The following ANKRD62 variants were observed in gnomAD, a reference collection of about 807,000 sequenced individuals.
ANKRD62 encodes ankyrin repeat domain 62.
A neutral mutation model predicts 98.8 loss-of-function variants in ANKRD62; 61 were observed. The ratio of observed to expected loss-of-function variants is 0.62; its 90% CI spans 0.50 to 0.76. ANKRD62 has a LOEUF of 0.76. Among genes scored for constraint, ANKRD62 ranks in the 30% least tolerant of loss-of-function variants. The pLI is 0.00. For synonymous variants in ANKRD62, 341 were observed against 367.9 expected, an observed-to-expected ratio of 0.93 and a Z score of 0.84; for missense variants, 933 against 1,082.9, an observed-to-expected ratio of 0.86 and a Z score of 1.94.
chr18:12,119,688 C>G (rs1032218304), intron 10 of ANKRD62, among the ~76,000 whole-genome samples: 7 of 152,064 alleles, frequency 4.6e-5, no homozygotes, highest in Admixed American at 1.3e-4. Flanking sequence ...CACATTCAGA[C>G]CACAGCAGGT....
intron 12 of ANKRD62, 142 bp downstream of exon 12, chr18:12,124,462 T>C (rs1241655543): frequency 7.4e-6 from 3 of 404,910 alleles, no homozygotes; most frequent in South Asian, 5.9e-5. Flanking sequence ...CTACAATTAT[T>C]TATTATAAAT....
Position 12,095,050 on chromosome 18 carries a change from G to GT in ANKRD62, c.219-120dup, listed in dbSNP as rs1909151201. 13 of 776,606 alleles carry GT rather than the reference G, an allele frequency of 1.7e-5. No individual in the cohort carries two copies. In the Admixed American group the frequency reaches 2.3e-4, roughly 14 times the overall value. The allele number at this position is 776,606 out of a possible 1,614,324, so 48.1% of individuals were successfully genotyped here. A position where few individuals can be genotyped will look rare whatever the true frequency, so the allele number is the denominator to read the frequency against. On this transcript the variant is annotated intron_variant, in intron 1 of 13. Coordinates refer to ENST00000587848, the MANE Select transcript of ANKRD62 (RefSeq NM_001277333.2). Reference sequence around the variant, plus strand: ...AACCTTGCCTTTCTTCACAAGAAAAGTAACTATTTGTTCTGAAGGCAGAGG... The same window carrying GT: ...AACCTTGCCTTTCTTCACAAGAAAAGTTAACTATTTGTTCTGAAGGCAGAGG...
Position 12,126,013 on chromosome 18 carries a change from C to G in ANKRD62, c.2192C>G (p.Thr731Arg). The G allele has an allele frequency of 1.3e-6, 2 of 1,536,518 alleles. No homozygotes were observed. Among genetic ancestry groups the G allele is most frequent in the South Asian group, 2.4e-5 (2 of 84,066 alleles). Residue 731 changes from threonine to arginine, a missense_variant, in exon 13 of 14, where the codon ACG becomes AGG. Thr to Arg is a moderately conservative substitution (Grantham distance 71, BLOSUM62 -1). Around this residue, in one of 3 missense-constraint regions of ANKRD62, gnomAD observed 362 missense variants for 434.5 expected, o/e 0.83. Coordinates refer to ENST00000587848, the MANE Select transcript of ANKRD62 (RefSeq NM_001277333.2). ...GAAAGAGAGGCTCTCAAAGAAAAGA[C>G]GTTGCATATAGAACACATGCAAGGA... Reference protein sequence around the residue: ...HYEREALKEKTLHIEHMQGVL... With the variant: ...HYEREALKEKRLHIEHMQGVL...
At chr18:12,153,862 T>A in the ANKRD62 span, among the ~76,000 whole-genome samples, 2 of 152,194 alleles carry the variant, frequency 1.3e-5, no homozygotes, top group Non-Finnish European at 2.9e-5. Flanking sequence ...GGGGGAAAGA[T>A]TCCCTATTCA....
chr18:12,176,437 T>G, the ANKRD62 span, among the ~76,000 whole-genome samples: 2 of 133,966 alleles, frequency 1.5e-5, no homozygotes. Context: ...CACAGAAATT[T>G]TGAAAAACAA....
chr18:12,171,039 G>A, the ANKRD62 span, among the ~76,000 whole-genome samples: 765 of 150,400 alleles, frequency 5.1e-3, 2 homozygotes, highest in African/African-American at 0.017. Context: ...GTCTCTGCAC[G>A]TGAGATGAGT....
chr18:12,177,328 C>T, the ANKRD62 span, among the ~76,000 whole-genome samples: 1 of 152,276 alleles, frequency 6.6e-6, no homozygotes, highest in Non-Finnish European at 1.5e-5. Flanking sequence ...GGAGAGGAGC[C>T]AGGGAGAAGG....
chr18:12,172,408 C>T, the ANKRD62 span, among the ~76,000 whole-genome samples: 286 of 152,322 alleles, frequency 1.9e-3, 1 homozygote, highest in Non-Finnish European at 2.3e-3. Context: ...TGGAGGTCCA[C>T]TCCAGACCCT....
intron 9 of ANKRD62, 130 bp downstream of exon 9, chr18:12,115,251 C>T: frequency 7.9e-7 from 1 of 1,263,788 alleles, no homozygotes; most frequent in African/African-American, 1.5e-5. Flanking sequence ...CATAAAAGCA[C>T]CCTTTTAACC....
At chr18:12,121,355 G>C (rs1295042370) in intron 10 of ANKRD62, among the ~76,000 whole-genome samples, 1 of 152,100 alleles carries the variant, frequency 6.6e-6, no homozygotes, top group Non-Finnish European at 1.5e-5. Context: ...TTTGGGCCTG[G>C]CTCTTGGGAT....
At chr18:12,140,354 G>A in the ANKRD62 span, among the ~76,000 whole-genome samples, 5 of 152,148 alleles carry the variant, frequency 3.3e-5, no homozygotes, top group African/African-American at 1.2e-4. Context: ...ACTCGTCAAA[G>A]TCAATCTGTG....
Position 12,097,639 on chromosome 18 carries a change from G to A in ANKRD62, c.615-1G>A, listed in dbSNP as rs2143893760. ...GCATGAAATTATCTTTCTTATTTTA[G>A]AACAGCCCTGATACTTGCTGCTCGT... On this transcript the variant is annotated splice_acceptor_variant, in intron 4 of 13. Coordinates refer to ENST00000587848, the MANE Select transcript of ANKRD62 (RefSeq NM_001277333.2). LOFTEE classifies it high-confidence loss of function. 1.3e-6 allele frequency: 2 copies of A among 1,529,664 alleles called. No individual in the cohort carries two copies. Among genetic ancestry groups the A allele is most frequent in the Non-Finnish European group, 1.7e-6 (2 of 1,144,270 alleles). 94.8% of individuals were successfully genotyped at this position (1,529,664 alleles called of 1,614,324 possible). A position where few individuals can be genotyped will look rare whatever the true frequency, so the allele number is the denominator to read the frequency against.
chr18:12,116,261 T>A (rs1909662044), intron 10 of ANKRD62, among the ~76,000 whole-genome samples: 1 of 152,162 alleles, frequency 6.6e-6, no homozygotes, highest in Non-Finnish European at 1.5e-5. Flanking sequence ...GCTGCCAAAT[T>A]GTTTTCAAAA....
At chr18:12,114,529 C>T (rs975899343) in intron 8 of ANKRD62, among the ~76,000 whole-genome samples, 1 of 152,100 alleles carries the variant, frequency 6.6e-6, no homozygotes, top group Admixed American at 6.6e-5. Context: ...CCTTTCTGTG[C>T]CTAGTTTCTT....
Position 12,115,606 on chromosome 18 carries a change from G to GCACCATAGA in ANKRD62, c.1240+73_1240+81dup, listed in dbSNP as rs1171607430. ...ATGTATGCACATATTGCTTAGCACG[G>GCACCATAGA]CACCATAGAACACTGATGTGTTATA... On this transcript the variant is annotated intron_variant, in intron 10 of 13. Coordinates refer to ENST00000587848, the MANE Select transcript of ANKRD62 (RefSeq NM_001277333.2). 4.4e-5 allele frequency: 59 copies of GCACCATAGA among 1,337,624 alleles called. No individual in the cohort carries two copies. The Admixed American group carries it at 1.1e-3, about 25-fold the overall frequency. The allele number at this position is 1,337,624 out of a possible 1,614,324, so 82.9% of individuals were successfully genotyped here.
chr18:12,107,579 T>G (rs1213658612), intron 8 of ANKRD62, 112 bp downstream of exon 8: 2 of 842,628 alleles, frequency 2.4e-6, no homozygotes, highest in African/African-American at 3.5e-5. Flanking sequence ...ATGAGGAATA[T>G]TCTGCCTTGC....
chr18:12,174,143 T>G, the ANKRD62 span, among the ~76,000 whole-genome samples: 2 of 152,350 alleles, frequency 1.3e-5, no homozygotes, highest in South Asian at 2.1e-4. Context: ...AGGCATAGAT[T>G]TGGTCTCTTT....
the ANKRD62 span, among the ~76,000 whole-genome samples, chr18:12,168,948 G>A: frequency 2.6e-5 from 4 of 152,098 alleles, no homozygotes; most frequent in African/African-American, 9.7e-5. Flanking sequence ...TGTTACTGGT[G>A]TATAAGAATG....
At chr18:12,170,699 C>T in the ANKRD62 span, among the ~76,000 whole-genome samples, 3 of 152,166 alleles carry the variant, frequency 2.0e-5, no homozygotes, top group Non-Finnish European at 2.9e-5. Flanking sequence ...AACCTTCTGT[C>T]TCGTTGATCT....
Sources: allele counts gnomAD v4.1 joint callset (sites outside exome capture counted in the v4.1 genomes callset), GRCh38; gene constraint gnomAD v4.1.1; regional missense constraint gnomAD v4.1.1; transcripts MANE v1.5; gene names NCBI Gene and HGNC (gene_info 2026-07-23, HGNC 2026-07-21).